GRIP1: variants seen among roughly 807,000 people sequenced by gnomAD.
The protein encoded by GRIP1 is glutamate receptor interacting protein 1, also known as glutamate receptor-interacting protein 1.
In GRIP1, 45 loss-of-function variants were observed where a neutral mutation model predicts 129.9. That is an observed-to-expected ratio of 0.35 (90% confidence interval 0.27 to 0.44). The LOEUF (loss-of-function observed/expected upper bound fraction) is 0.44. Among genes scored for constraint, GRIP1 ranks in the 20% least tolerant of loss-of-function variants. GRIP1 has a pLI of 1.00. For synonymous variants in GRIP1, 530 were observed against 520.8 expected (o/e 1.02, Z -0.24); for missense variants, 1,196 against 1,396.8 (o/e 0.86, Z 2.29).
At chr12:66,450,294 A>T (rs1172074172) in intron 11 of GRIP1, among the ~76,000 whole-genome samples, 1 of 120,258 alleles carries the variant, frequency 8.3e-6, no homozygotes, top group African/African-American at 3.3e-5. Context: ...ACAGAGTGAG[A>T]CTCCATCTCA....
chr12:66,398,169 C>T (rs1210590201), intron 16 of GRIP1, among the ~76,000 whole-genome samples: 2 of 152,210 alleles, frequency 1.3e-5, no homozygotes, highest in African/African-American at 4.8e-5. Context: ...TTTGCCCCTC[C>T]TCCCCACTTC....
At chr12:67,048,636 T>C (rs1031475050) in intron 1 of GRIP1, among the ~76,000 whole-genome samples, 4 of 152,074 alleles carry the variant, frequency 2.6e-5, no homozygotes, top group Admixed American at 6.6e-5. Context: ...CCCACTCAAA[T>C]TTCATCCTGA....
Position 66,932,600 on chromosome 12 carries a change from T to TA in GRIP1, c.58+136449dup, listed in dbSNP as rs757506882. 5.7e-3 allele frequency among the ~76,000 whole-genome samples: 822 copies of TA among 143,182 alleles called. 6 individuals carry two copies. Among genetic ancestry groups the TA allele is most frequent in the Non-Finnish European group, 6.8e-3 (442 of 65,172 alleles). 93.9% of individuals were successfully genotyped at this position (143,182 alleles called of 152,430 possible). On this transcript the variant is annotated intron_variant, in intron 1 of 1. Transcript: ENST00000643019. ...AAGTGAGCAGAAGGATAGGATTATT[T>TA]AAAAAAAAAAAAAAATTCCGAGGAG...
intron 1 of GRIP1, among the ~76,000 whole-genome samples, chr12:66,741,469 G>T (rs1385360330): frequency 2.0e-4 from 30 of 152,182 alleles, no homozygotes; most frequent in Admixed American, 2.0e-3. Context: ...TTGTCGCAGA[G>T]ATAAAAGATA....
intron 1 of GRIP1, among the ~76,000 whole-genome samples, chr12:66,640,068 G>A (rs1229411872): frequency 2.0e-5 from 3 of 152,122 alleles, no homozygotes; most frequent in Non-Finnish European, 2.9e-5. Context: ...TTCAGCTGAA[G>A]GGTCACTTCT....
chr12:66,415,943 C>T (rs2057585401), intron 15 of GRIP1, among the ~76,000 whole-genome samples: 1 of 151,918 alleles, frequency 6.6e-6, no homozygotes, highest in African/African-American at 2.4e-5. Flanking sequence ...GGAGGGAGAC[C>T]ATCAGGAAGA....
At chr12:67,016,851 C>T (rs1034906552) in intron 1 of GRIP1, among the ~76,000 whole-genome samples, 13 of 152,096 alleles carry the variant, frequency 8.5e-5, no homozygotes, top group African/African-American at 2.9e-4. Flanking sequence ...AGTATGATAT[C>T]CCCCTGTTTG....
intron 5 of GRIP1, among the ~76,000 whole-genome samples, chr12:66,521,937 G>A (rs1033558974): frequency 4.6e-5 from 7 of 152,326 alleles, no homozygotes; most frequent in East Asian, 1.9e-4. Context: ...ACTGCAAGGC[G>A]GCAGTGAGGC....
At chr12:67,047,841 A>G (rs1486924730) in intron 1 of GRIP1, among the ~76,000 whole-genome samples, 1 of 152,222 alleles carries the variant, frequency 6.6e-6, no homozygotes, top group African/African-American at 2.4e-5. Context: ...TAGACATCCT[A>G]TACCTATCAT....
upstream of GRIP1, among the ~76,000 whole-genome samples, chr12:66,807,447 G>A (rs2039015746): frequency 6.6e-6 from 1 of 152,144 alleles, no homozygotes; most frequent in South Asian, 2.1e-4. Flanking sequence ...GCCGAGGCAG[G>A]TGGATCAAAA....
intron 1 of GRIP1, among the ~76,000 whole-genome samples, chr12:66,776,640 C>T (rs1034873251): frequency 4.6e-5 from 7 of 152,248 alleles, no homozygotes; most frequent in Admixed American, 3.3e-4. Flanking sequence ...TTGCTATAAT[C>T]GCTGTAAAGT....
chr12:66,498,257 G>A (rs1471469035), intron 7 of GRIP1, among the ~76,000 whole-genome samples: 1 of 152,196 alleles, frequency 6.6e-6, no homozygotes, highest in Non-Finnish European at 1.5e-5. Flanking sequence ...AGTGGAGTGG[G>A]ACAAATAAAA....
chr12:66,537,532 A>ATG (rs2061642581), intron 4 of GRIP1, among the ~76,000 whole-genome samples: 1 of 151,482 alleles, frequency 6.6e-6, no homozygotes, highest in Non-Finnish European at 1.5e-5. Flanking sequence ...ATATATATAT[A>ATG]TATGTATACC....
In GRIP1 at chr12:66,989,585, A is replaced by C. The variant is rs1037592617; in HGVS notation, c.58+79465T>G. Reference sequence around the variant, plus strand: ...GATGAATCCATCCGAATAGGTTATTAATCATCATTAAACAGAAAATCTTTA... The same window carrying C: ...GATGAATCCATCCGAATAGGTTATTCATCATCATTAAACAGAAAATCTTTA... On this transcript the variant is annotated intron_variant, in intron 1 of 1. Transcript: ENST00000643019. 1.2e-4 allele frequency among the ~76,000 whole-genome samples: 19 copies of C among 152,352 alleles called. No homozygotes were observed. In the East Asian group the frequency reaches 3.7e-3, roughly 29 times the overall value.
intron 13 of GRIP1, among the ~76,000 whole-genome samples, chr12:66,438,158 T>C (rs2058366681): frequency 6.6e-6 from 1 of 152,234 alleles, no homozygotes; most frequent in South Asian, 2.1e-4. Flanking sequence ...TGATCCATCC[T>C]TGAAAAGTCC....
intron 1 of GRIP1, among the ~76,000 whole-genome samples, chr12:66,610,427 A>G (rs2064745553): frequency 6.6e-6 from 1 of 152,090 alleles, no homozygotes; most frequent in Non-Finnish European, 1.5e-5. Flanking sequence ...CTGCAGGGCA[A>G]AATACAATGG....
intron 1 of GRIP1, among the ~76,000 whole-genome samples, chr12:66,925,664 G>C (rs1326304857): frequency 6.6e-6 from 1 of 151,970 alleles, no homozygotes; most frequent in African/African-American, 2.4e-5. Flanking sequence ...TGTTTTTTCA[G>C]ACGGAGTTTC....
intron 1 of GRIP1, among the ~76,000 whole-genome samples, chr12:66,917,797 TAAGTC>T (rs1242254541): frequency 6.6e-6 from 1 of 152,166 alleles, no homozygotes. Context: ...CTGGACAAAT[TAAGTC>T]ATTTTATATA....
At chr12:66,585,208 C>T (rs1199475558) in intron 2 of GRIP1, among the ~76,000 whole-genome samples, 1 of 143,362 alleles carries the variant, frequency 7.0e-6, no homozygotes, top group East Asian at 2.1e-4. Context: ...CCCACTAACT[C>T]GTCATCTAGC....
Sources: gnomAD v4.1 joint callset for allele counts (sites outside exome capture counted in the v4.1 genomes callset) on GRCh38, gnomAD v4.1.1 for gene constraint, MANE v1.5 for transcripts, NCBI Gene and HGNC (gene_info 2026-07-23, HGNC 2026-07-21) for gene names.